Variants in CNTNAP3B observed in about 807,000 individuals in gnomAD.
CNTNAP3B encodes contactin-associated protein-like 3B.
CNTNAP3B carries 25 observed loss-of-function variants against 108.9 expected under a neutral mutation model. The observed-to-expected ratio is 0.23, with a 90% CI of 0.17 to 0.32. CNTNAP3B has a LOEUF of 0.32. Among genes scored for constraint, CNTNAP3B ranks in the 10% least tolerant of loss-of-function variants. CNTNAP3B has a pLI of 1.00. For missense variants in CNTNAP3B, 252 were observed against 1,210.4 expected (o/e 0.21, Z 11.75); for synonymous variants, 103 against 473.4 (o/e 0.22, Z 10.16).
At chr9:41,943,044 A>AG (rs1824409561) in intron 13 of CNTNAP3B, among the ~76,000 whole-genome samples, 1 of 152,286 alleles carries the variant, frequency 6.6e-6, no homozygotes, top group Non-Finnish European at 1.5e-5. Context: ...TGGAAATATC[A>AG]GATAAGGAAT....
At chr9:42,087,166 T>G (rs1827720881) in intron 2 of CNTNAP3B, among the ~76,000 whole-genome samples, 4 of 141,484 alleles carry the variant, frequency 2.8e-5, no homozygotes, top group Admixed American at 2.8e-4. Flanking sequence ...TTGTATCCTG[T>G]TAACTTGTTA....
chr9:42,117,252 C>A (rs942814239), intron 1 of CNTNAP3B, among the ~76,000 whole-genome samples: 5 of 133,492 alleles, frequency 3.7e-5, no homozygotes, highest in Admixed American at 3.0e-4. Flanking sequence ...ACACTTACTC[C>A]AAAATTGACC....
intron 4 of CNTNAP3B, among the ~76,000 whole-genome samples, chr9:42,012,158 A>G (rs1826142013): frequency 9.7e-6 from 1 of 103,468 alleles, no homozygotes; most frequent in Non-Finnish European, 2.1e-5. Flanking sequence ...TCCACTTTGG[A>G]GTCAGTAAAC....
chr9:42,116,309 AC>A (rs1828315604), intron 1 of CNTNAP3B, among the ~76,000 whole-genome samples: 1 of 131,932 alleles, frequency 7.6e-6, no homozygotes, highest in Non-Finnish European at 1.6e-5. Context: ...AGCCCATCAG[AC>A]TAACAGCGGA....
chr9:42,026,749 A>G lies in CNTNAP3B; in HGVS notation c.391-13224T>C, dbSNP rs564700567. Among the ~76,000 whole-genome samples, 159 of 133,632 alleles carry G rather than the reference A, an allele frequency of 1.2e-3. 19 individuals carry two copies. The highest frequency in any genetic ancestry group is 2.4e-3 in the Admixed American group (32 of 13,302). The allele number at this position is 133,632 out of a possible 152,430, so 87.7% of individuals were successfully genotyped here. ...CCATATTTTTCTGCCGTTAAAACCT[A>G]TCCTGAATCATATAGGACCTGTGAG... On this transcript the variant is annotated intron_variant, in intron 3 of 23. Transcript: ENST00000377561.
At chr9:42,066,457 AC>A in intron 3 of CNTNAP3B, among the ~76,000 whole-genome samples, 1 of 87,284 alleles carries the variant, frequency 1.1e-5, no homozygotes, top group East Asian at 4.0e-4. Flanking sequence ...ACAGAGTTTC[AC>A]TCTTGTTGCC....
intron 1 of CNTNAP3B, among the ~76,000 whole-genome samples, chr9:42,114,686 T>C (rs1211437428): frequency 4.2e-5 from 5 of 117,870 alleles, no homozygotes; most frequent in African/African-American, 1.8e-4. Context: ...GTTGTTATGA[T>C]TGAGGACAAC....
intron 14 of CNTNAP3B, among the ~76,000 whole-genome samples, chr9:41,937,767 G>T (rs1330467343): frequency 6.6e-6 from 1 of 151,948 alleles, no homozygotes; most frequent in African/African-American, 2.4e-5. Context: ...GGAAATTGTT[G>T]CTTCTAAAAA....
chr9:42,058,183 A>G (rs1827113154), intron 3 of CNTNAP3B, among the ~76,000 whole-genome samples: 2 of 148,570 alleles, frequency 1.3e-5, no homozygotes, highest in African/African-American at 5.0e-5. Flanking sequence ...ATGGTTGTAC[A>G]GATATCTAAA....
chr9:41,952,403 T>C (rs144443854), intron 13 of CNTNAP3B, among the ~76,000 whole-genome samples: 1,114 of 152,058 alleles, frequency 7.3e-3, no homozygotes, highest in African/African-American at 0.025. Context: ...CTATTTGGGA[T>C]TGCTAAAACT....
intron 3 of CNTNAP3B, among the ~76,000 whole-genome samples, chr9:42,028,756 T>TA (rs1826454915): frequency 6.7e-6 from 1 of 150,160 alleles, no homozygotes; most frequent in Non-Finnish European, 1.5e-5. Context: ...TTGGCATTTT[T>TA]ATATAAAATA....
intron 3 of CNTNAP3B, among the ~76,000 whole-genome samples, chr9:42,021,570 C>A: frequency 1.8e-5 from 1 of 54,082 alleles, no homozygotes. Context: ...TGAATCAGGC[C>A]TAGGTTGAGT....
intron 3 of CNTNAP3B, among the ~76,000 whole-genome samples, chr9:42,041,979 A>C (rs7467499): frequency 0.36 from 26,799 of 74,510 alleles, 4,462 homozygotes; most frequent in East Asian, 0.57. Flanking sequence ...AGCAAACTAT[A>C]GCAAGGACAG....
chr9:42,120,500 G>C (rs1406354602), intron 1 of CNTNAP3B, among the ~76,000 whole-genome samples: 1 of 137,974 alleles, frequency 7.2e-6, no homozygotes, highest in South Asian at 2.4e-4. Flanking sequence ...TATAAATCAT[G>C]CTGCTATAAA....
intron 15 of CNTNAP3B, among the ~76,000 whole-genome samples, chr9:41,928,075 A>G (rs1823869476): frequency 6.6e-6 from 1 of 152,240 alleles, no homozygotes; most frequent in Non-Finnish European, 1.5e-5. Context: ...ACGCTAAGGC[A>G]TATTCTGGAT....
intron 3 of CNTNAP3B, among the ~76,000 whole-genome samples, chr9:42,035,730 T>A (rs1277157226): frequency 6.6e-6 from 1 of 151,052 alleles, no homozygotes; most frequent in African/African-American, 2.5e-5. Flanking sequence ...CAATCATACC[T>A]CAGTGCAGCT....
Position 42,098,950 on chromosome 9 carries a change from C to T in CNTNAP3B, c.196+5679G>A, listed in dbSNP as rs1033470296. 2.2e-5 allele frequency among the ~76,000 whole-genome samples: 3 copies of T among 135,422 alleles called. 1 individual carries two copies. The highest frequency in any genetic ancestry group is 4.7e-5 in the Non-Finnish European group (3 of 63,872). The allele number at this position is 135,422 out of a possible 152,430, so 88.8% of individuals were successfully genotyped here. A position where few individuals can be genotyped will look rare whatever the true frequency, so the allele number is the denominator to read the frequency against. On this transcript the variant is annotated intron_variant, in intron 2 of 23. Transcript: ENST00000377561. ...TGATACCTGGGCAAATGCTTACCTG[C>T]CCACATCCGAAGGGCTGGTGCACCC...
At chr9:41,961,594 C>T (rs1452723845) in intron 11 of CNTNAP3B, among the ~76,000 whole-genome samples, 41 of 152,402 alleles carry the variant, frequency 2.7e-4, no homozygotes, top group African/African-American at 9.9e-4. Context: ...CAGTTATACC[C>T]TTTGCTTCCT....
At position 42,117,217 on chromosome 9, in the gene CNTNAP3B, T is replaced by C. The variant is rs531126333; in HGVS notation, c.85+11793A>G. Among the ~76,000 whole-genome samples, 418 of 135,010 alleles carry C rather than the reference T, an allele frequency of 3.1e-3. 25 individuals are homozygous for C. The highest frequency in any genetic ancestry group is 5.0e-3 in the Non-Finnish European group (323 of 63,978). 88.6% of individuals were successfully genotyped at this position (135,010 alleles called of 152,430 possible). On this transcript the variant is annotated intron_variant, in intron 1 of 23. Transcript: ENST00000377561. ...AACTCTCCACCCCAAATCAATAGAA[T>C]ATATATTCTTCTCAGCACCACATCA...
Sources: gnomAD v4.1 joint callset for allele counts (sites outside exome capture counted in the v4.1 genomes callset) on GRCh38, gnomAD v4.1.1 for gene constraint, MANE v1.5 for transcripts, NCBI Gene and HGNC (gene_info 2026-07-23, HGNC 2026-07-21) for gene names.